NUP58: variants seen among roughly 807,000 people sequenced by gnomAD.
NUP58 encodes nucleoporin 58, also known as nucleoporin p58/p45.
NUP58 carries 17 observed loss-of-function variants against 70.1 expected under a neutral mutation model. That is an observed-to-expected ratio of 0.24 (90% CI 0.17 to 0.36). The LOEUF (loss-of-function observed/expected upper bound fraction) is 0.36. NUP58 is among the 10% of genes least tolerant of loss of function. The pLI is 1.00. For synonymous variants in NUP58, 275 were observed against 257.6 expected, an observed-to-expected ratio of 1.07 and a Z score of -0.65; for missense variants, 644 against 701.5, an observed-to-expected ratio of 0.92 and a Z score of 0.93.
intron 12 of NUP58, among the ~76,000 whole-genome samples, chr13:25,328,953 G>A (rs74042927): frequency 0.058 from 8,846 of 152,022 alleles, 736 homozygotes; most frequent in African/African-American, 0.18. Context: ...ATAGTAACAG[G>A]ATTTTTTTAA....
At chr13:25,305,148 T>TGTTTG (rs1566055089) in intron 1 of NUP58, among the ~76,000 whole-genome samples, 6 of 122,230 alleles carry the variant, frequency 4.9e-5, no homozygotes, top group African/African-American at 6.0e-5. Flanking sequence ...TTTTTTTTTT[T>TGTTTG]TTTTTTTTTT....
At chr13:25,322,614 A>C (rs1336561831) in intron 9 of NUP58, among the ~76,000 whole-genome samples, 1 of 152,214 alleles carries the variant, frequency 6.6e-6, no homozygotes, top group Non-Finnish European at 1.5e-5. Context: ...CTTTCAGGCT[A>C]TGTGTATAAG....
intron 7 of NUP58, among the ~76,000 whole-genome samples, chr13:25,319,943 G>T (rs188021673): frequency 6.3e-4 from 96 of 152,178 alleles, no homozygotes; most frequent in African/African-American, 2.2e-3. Context: ...CTGCATAAGG[G>T]TTATGAAATC....
At chr13:25,343,805 G>GTATATATA (rs59054918), downstream of NUP58, among the ~76,000 whole-genome samples, 5 of 137,664 alleles carry the variant, frequency 3.6e-5, no homozygotes, top group Admixed American at 7.4e-5. Context: ...ACATATATAT[G>GTATATATA]TATATATATA....
chr13:25,303,664 T>G (rs2030146261), intron 1 of NUP58, among the ~76,000 whole-genome samples: 2 of 152,070 alleles, frequency 1.3e-5, no homozygotes, highest in East Asian at 1.9e-4. Flanking sequence ...ACTCTTAGAG[T>G]GCTGATCACA....
At chr13:25,344,620 T>G (rs2032027659), downstream of NUP58, among the ~76,000 whole-genome samples, 1 of 152,242 alleles carries the variant, frequency 6.6e-6, no homozygotes, top group African/African-American at 2.4e-5. Context: ...TTAAAAATTC[T>G]GAGATTTTTA....
chr13:25,324,359 A>G (rs976240249), intron 9 of NUP58, among the ~76,000 whole-genome samples: 1 of 152,202 alleles, frequency 6.6e-6, no homozygotes, highest in Non-Finnish European at 1.5e-5. Flanking sequence ...GGGGTAAACA[A>G]TACTAATCTT....
At chr13:25,314,760 G>A (rs529865603) in intron 5 of NUP58, among the ~76,000 whole-genome samples, 6 of 152,184 alleles carry the variant, frequency 3.9e-5, no homozygotes, top group Admixed American at 3.3e-4. Flanking sequence ...GAAATTTTGC[G>A]CTTGACTCAC....
intron 6 of NUP58, 79 bp downstream of exon 6, chr13:25,315,546 G>A: frequency 1.1e-6 from 1 of 934,836 alleles, no homozygotes. Flanking sequence ...TCCTTTGTGT[G>A]GAAGATTAGC....
At chr13:25,334,209 T>C in intron 13 of NUP58, 1 of 985,402 alleles carries the variant, frequency 1.0e-6, no homozygotes, top group Non-Finnish European at 1.2e-6. Flanking sequence ...TTGACACTTG[T>C]CTATAAGTGC....
Position 25,315,940 on chromosome 13 carries a change from T to C in NUP58, c.685+473T>C, listed in dbSNP as rs538363771. ...TCTCTGACCTTATTGAAGTTACTTA[T>C]ATTATGTGCTTTGGTTTTTCCTTAT... On this transcript the variant is annotated intron_variant, in intron 6 of 15. Coordinates refer to ENST00000381736, the MANE Select transcript of NUP58 (RefSeq NM_014089.4). Among the ~76,000 whole-genome samples, 68 of 152,314 alleles carry C rather than the reference T, an allele frequency of 4.5e-4. 2 individuals carry two copies. Among genetic ancestry groups the C allele is most frequent in the South Asian group, 3.9e-3 (19 of 4,828 alleles).
chr13:25,326,880 A>C, intron 10 of NUP58, 36 bp from the exon 11 acceptor site: 1 of 1,246,034 alleles, frequency 8.0e-7, no homozygotes, highest in East Asian at 2.4e-5. Context: ...CAAATTAAAA[A>C]AATATTTGAT....
At chr13:25,317,973 C>G (rs1291260244) in intron 6 of NUP58, 1 of 148,716 alleles carries the variant, frequency 6.7e-6, no homozygotes, top group Non-Finnish European at 1.5e-5. Context: ...AAGTGATTGT[C>G]CTACGTTAAC....
intron 10 of NUP58, among the ~76,000 whole-genome samples, chr13:25,326,381 T>C (rs1190763023): frequency 1.3e-5 from 2 of 152,148 alleles, no homozygotes; most frequent in African/African-American, 4.8e-5. Flanking sequence ...GGTAAATTTA[T>C]TAGAAAAGTA....
chr13:25,325,709 C>G (rs1262928036), intron 10 of NUP58, among the ~76,000 whole-genome samples: 9 of 152,056 alleles, frequency 5.9e-5, no homozygotes, highest in African/African-American at 2.2e-4. Flanking sequence ...TGGTGGAGGT[C>G]TGTTTGATTC....
At chr13:25,316,132 G>A (rs999455274) in intron 6 of NUP58, among the ~76,000 whole-genome samples, 1 of 152,150 alleles carries the variant, frequency 6.6e-6, no homozygotes, top group Non-Finnish European at 1.5e-5. Context: ...GAGACTCTTA[G>A]TGTATAGTTT....
intron 1 of NUP58, 114 bp downstream of exon 1, chr13:25,301,994 T>C (rs1332279092): frequency 1.4e-6 from 1 of 701,458 alleles, no homozygotes; most frequent in African/African-American, 1.8e-5. Context: ...CCAGTGGGGC[T>C]GGAGAGAAGC....
intron 13 of NUP58, chr13:25,333,218 A>G (rs2031671051): frequency 1.6e-5 from 16 of 985,394 alleles, no homozygotes; most frequent in Middle Eastern, 5.2e-4. Flanking sequence ...TTGTGGACAT[A>G]TGGAGATGTG....
chr13:25,345,599 C>G (rs1593207212), downstream of NUP58, among the ~76,000 whole-genome samples: 1 of 152,010 alleles, frequency 6.6e-6, no homozygotes, highest in African/African-American at 2.4e-5. Context: ...GGGGGTCTGT[C>G]CACCTTGGAA....
Sources: gnomAD v4.1 joint callset for allele counts (sites outside exome capture counted in the v4.1 genomes callset) on GRCh38, gnomAD v4.1.1 for gene constraint, MANE v1.5 for transcripts, NCBI Gene and HGNC (gene_info 2026-07-23, HGNC 2026-07-21) for gene names.